RALGPS2: variants seen among roughly 807,000 people sequenced by gnomAD.
RALGPS2 encodes the protein ras-specific guanine nucleotide-releasing factor RalGPS2.
Under a neutral mutation model 86.8 loss-of-function variants are expected in RALGPS2, and 43 were observed. The ratio of observed to expected loss-of-function variants is 0.50; its 90% CI spans 0.39 to 0.64. RALGPS2 has a LOEUF of 0.64. RALGPS2 is among the 30% of genes least tolerant of loss of function. The pLI is 0.00. For missense variants in RALGPS2, 536 were observed against 694.6 expected, an observed-to-expected ratio of 0.77 and a Z score of 2.57; for synonymous variants, 243 against 231.3, an observed-to-expected ratio of 1.05 and a Z score of -0.46.
chr1:178,803,258 A>G (rs1654568548), intron 4 of RALGPS2, among the ~76,000 whole-genome samples: 1 of 152,206 alleles, frequency 6.6e-6, no homozygotes, highest in Non-Finnish European at 1.5e-5. Flanking sequence ...AGCATTACTT[A>G]ACAATAGGAA....
At chr1:178,824,763 C>T (rs919215478) in intron 7 of RALGPS2, among the ~76,000 whole-genome samples, 11 of 151,758 alleles carry the variant, frequency 7.2e-5, no homozygotes, top group African/African-American at 7.3e-5. Flanking sequence ...GAGCCGAGAT[C>T]GCGCTACTGC....
rs377109788 is a variant in RALGPS2, at chr1:178,840,516, A to G, written c.607+6966A>G. On this transcript the variant is annotated intron_variant, in intron 8 of 19. Transcript: ENST00000367635. ...CATTTAAAGCAGTGTGTAGAGGGAA[A>G]TTTATAGCACTAAATGCCCACAAGA... Among the ~76,000 whole-genome samples the G allele has an allele frequency of 1.2e-4, 19 of 152,308 alleles. No homozygotes were observed. The East Asian group carries it at 3.5e-3, about 28-fold the overall frequency.
At chr1:178,824,064 G>A (rs952434039) in intron 7 of RALGPS2, among the ~76,000 whole-genome samples, 9 of 152,124 alleles carry the variant, frequency 5.9e-5, no homozygotes, top group Admixed American at 5.2e-4. Context: ...TAAAGAAAAT[G>A]TTTCAATAAA....
Position 178,749,235 on chromosome 1 carries a change from C to T in RALGPS2, c.-84+23816C>T, listed in dbSNP as rs548798086. 1.1e-4 allele frequency among the ~76,000 whole-genome samples: 17 copies of T among 152,218 alleles called. No individual in the cohort carries two copies. In the South Asian group the frequency reaches 3.5e-3, roughly 32 times the overall value. On this transcript the variant is annotated intron_variant, in intron 1 of 19. Coordinates refer to ENST00000367635, the MANE Select transcript of RALGPS2 (RefSeq NM_152663.5). Reference sequence around the variant, plus strand: ...GGTGTGGTGGCTCACGCCTATAATCCTAGCACTTTGGGAGGCCAAGGTGGA... The same window carrying T: ...GGTGTGGTGGCTCACGCCTATAATCTTAGCACTTTGGGAGGCCAAGGTGGA...
intron 8 of RALGPS2, among the ~76,000 whole-genome samples, chr1:178,843,431 C>T (rs866992922): frequency 1.8e-3 from 273 of 150,026 alleles, no homozygotes; most frequent in Middle Eastern, 3.4e-3. Flanking sequence ...CATATTCTCA[C>T]TCATAGGTGG....
At chr1:178,836,581 A>G (rs1366186728) in intron 8 of RALGPS2, among the ~76,000 whole-genome samples, 1 of 152,136 alleles carries the variant, frequency 6.6e-6, no homozygotes, top group African/African-American at 2.4e-5. Flanking sequence ...AACATTTTAT[A>G]GATGTTTCTC....
rs1264541645 is a variant in RALGPS2, at chr1:178,918,951, C to G, written c.*2592C>G. 6.6e-6 allele frequency: 1 copy of G among 152,054 alleles called. No homozygotes were observed. The highest frequency in any genetic ancestry group is 2.4e-5 in the African/African-American group (1 of 41,436). The allele number at this position is 152,054 out of a possible 1,614,324, so 9.4% of individuals were successfully genotyped here. A position where few individuals can be genotyped will look rare whatever the true frequency, so the allele number is the denominator to read the frequency against. On this transcript the variant is annotated 3_prime_UTR_variant, in exon 20 of 20. Transcript: ENST00000367635. Reference sequence around the variant, plus strand: ...AAAACTCAAAATGTTCATCAGCATTCAGGTCATTTGTTTCACCCTTAGCCA... The same window carrying G: ...AAAACTCAAAATGTTCATCAGCATTGAGGTCATTTGTTTCACCCTTAGCCA...
chr1:178,796,353 A>T (rs1447373115), intron 4 of RALGPS2, among the ~76,000 whole-genome samples: 1 of 152,222 alleles, frequency 6.6e-6, no homozygotes, highest in Non-Finnish European at 1.5e-5. Flanking sequence ...TAGGAATAGT[A>T]GTGAGCACTT....
At chr1:178,879,098 C>CT in intron 10 of RALGPS2, 106 bp downstream of exon 10, 1 of 1,454,316 alleles carries the variant, frequency 6.9e-7, no homozygotes. Flanking sequence ...ATACAAAGGA[C>CT]TAATCCAGTG....
chr1:178,784,072 A>T (rs571691124), intron 2 of RALGPS2, among the ~76,000 whole-genome samples: 54 of 152,168 alleles, frequency 3.5e-4, no homozygotes, highest in Non-Finnish European at 6.0e-4. Context: ...ATTGTAAGTA[A>T]GTGTATAGCC....
chr1:178,769,839 G>T (rs188919464), intron 1 of RALGPS2, among the ~76,000 whole-genome samples: 7 of 152,226 alleles, frequency 4.6e-5, no homozygotes, highest in Non-Finnish European at 8.8e-5. Context: ...CTTGGCCTGG[G>T]TTGCTCAGAT....
At chr1:178,862,629 A>ATTTG (rs1658113395) in intron 8 of RALGPS2, among the ~76,000 whole-genome samples, 1 of 140,092 alleles carries the variant, frequency 7.1e-6, no homozygotes, top group Admixed American at 7.1e-5. Flanking sequence ...TTATTTATTT[A>ATTTG]TTTGGTTGGT....
chr1:178,837,491 C>T (rs1399774123), intron 8 of RALGPS2, among the ~76,000 whole-genome samples: 3 of 152,122 alleles, frequency 2.0e-5, no homozygotes, highest in Non-Finnish European at 4.4e-5. Flanking sequence ...TTCTCATATT[C>T]TCTAGTAAAA....
At chr1:178,848,802 G>A (rs1656998789) in intron 8 of RALGPS2, among the ~76,000 whole-genome samples, 1 of 152,078 alleles carries the variant, frequency 6.6e-6, no homozygotes, top group Non-Finnish European at 1.5e-5. Flanking sequence ...GCTAATTTTT[G>A]TGTTTTCAGT....
intron 12 of RALGPS2, 128 bp downstream of exon 12, chr1:178,885,339 A>T: frequency 3.5e-6 from 3 of 866,632 alleles, no homozygotes; most frequent in Non-Finnish European, 5.0e-6. Flanking sequence ...CTGTTTTCTG[A>T]TTCAGTAAAA....
chr1:178,743,159 A>G (rs1484146558), intron 1 of RALGPS2, among the ~76,000 whole-genome samples: 1 of 152,238 alleles, frequency 6.6e-6, no homozygotes, highest in Non-Finnish European at 1.5e-5. Flanking sequence ...CCAGTGAGCT[A>G]TGATTATGCC....
intron 4 of RALGPS2, among the ~76,000 whole-genome samples, chr1:178,790,006 C>T (rs1379548824): frequency 6.6e-6 from 1 of 152,094 alleles, no homozygotes; most frequent in African/African-American, 2.4e-5. Flanking sequence ...TGTAGTGCAG[C>T]GGCGCAATGA....
chr1:178,830,395 C>A (rs1655961063), intron 7 of RALGPS2, among the ~76,000 whole-genome samples: 1 of 151,832 alleles, frequency 6.6e-6, no homozygotes, highest in African/African-American at 2.4e-5. Context: ...ACCAATGAAA[C>A]AGAATGAAGA....
intron 6 of RALGPS2, among the ~76,000 whole-genome samples, chr1:178,820,498 C>T (rs979012270): frequency 1.3e-5 from 2 of 152,186 alleles, no homozygotes; most frequent in Admixed American, 6.5e-5. Flanking sequence ...CTCATAGCCC[C>T]TCACTCTCAA....
Sources: allele counts gnomAD v4.1 joint callset (sites outside exome capture counted in the v4.1 genomes callset), GRCh38; gene constraint gnomAD v4.1.1; transcripts MANE v1.5; gene names NCBI Gene and HGNC (gene_info 2026-07-23, HGNC 2026-07-21).